The following RPAP2 variants were observed in gnomAD, a reference collection of about 807,000 sequenced individuals.
The protein encoded by RPAP2 is putative RNA polymerase II subunit B1 CTD phosphatase RPAP2.
In RPAP2, 52 loss-of-function variants were observed where a neutral mutation model predicts 73.1. That is an observed-to-expected ratio of 0.71 (90% CI 0.57 to 0.90). RPAP2 has a LOEUF of 0.90. RPAP2 is among the 40% of genes least tolerant of loss of function. The pLI, the probability that RPAP2 is intolerant of heterozygous loss-of-function variation, is 0.00. For synonymous variants in RPAP2, 225 were observed against 242.1 expected, an observed-to-expected ratio of 0.93 and a Z score of 0.65; for missense variants, 598 against 701.8, an observed-to-expected ratio of 0.85 and a Z score of 1.67.
intron 10 of RPAP2, among the ~76,000 whole-genome samples, chr1:92,337,430 G>A (rs1243545848): frequency 6.6e-6 from 1 of 152,066 alleles, no homozygotes; most frequent in Non-Finnish European, 1.5e-5. Flanking sequence ...TTTTCAGTAA[G>A]TCTTTTACTA....
intron 6 of RPAP2, among the ~76,000 whole-genome samples, 197 bp downstream of exon 6, chr1:92,307,473 GTTAT>G (rs1651317672): frequency 6.6e-6 from 1 of 152,138 alleles, no homozygotes; most frequent in East Asian, 1.9e-4. Flanking sequence ...ACATACAAAT[GTTAT>G]TTGTTTGTTG....
chr1:92,309,177 C>T (rs565333653), intron 6 of RPAP2, among the ~76,000 whole-genome samples: 3 of 152,152 alleles, frequency 2.0e-5, no homozygotes, highest in Non-Finnish European at 1.5e-5. Context: ...GGCGTGGTGG[C>T]TTACACCTGT....
At chr1:92,301,957 C>A (rs1447981514) in intron 3 of RPAP2, among the ~76,000 whole-genome samples, 3 of 152,116 alleles carry the variant, frequency 2.0e-5, no homozygotes. Flanking sequence ...TCACATACTA[C>A]CCCACAAATA....
At position 92,394,159 on chromosome 1, in the gene RPAP2, A is replaced by G. The variant is rs1175097942; in HGVS notation, c.*7148A>G. ...TACTATGCAGCCATAAAAAAGGATG[A>G]GTTCATGTCCTTTGCAGGGACATGG... On this transcript the variant is annotated 3_prime_UTR_variant, in exon 13 of 13. Coordinates refer to ENST00000610020, the MANE Select transcript of RPAP2 (RefSeq NM_024813.3). The G allele has an allele frequency of 6.6e-6, 1 of 152,218 alleles. No individual in the cohort carries two copies. Among genetic ancestry groups the G allele is most frequent in the Non-Finnish European group, 1.5e-5 (1 of 68,050 alleles). The allele number at this position is 152,218 out of a possible 1,614,324, so 9.4% of individuals were successfully genotyped here.
chr1:92,352,303 C>A (rs923240922), intron 11 of RPAP2, among the ~76,000 whole-genome samples: 1 of 152,174 alleles, frequency 6.6e-6, no homozygotes, highest in African/African-American at 2.4e-5. Context: ...TCAACTTGAC[C>A]ATGATCGCTA....
In RPAP2 at chr1:92,329,229, G is replaced by A. The variant is rs543754947; in HGVS notation, c.1456-4162G>A. On this transcript the variant is annotated intron_variant, in intron 8 of 12. Transcript: ENST00000610020. The stretch of plus-strand genomic sequence containing the variant: ...GGCCATAGAGCTCCCAAGAGATTAA[G>A]TCCTTTGTCTTCGGCTACCAGGGCC... Among the ~76,000 whole-genome samples the A allele has an allele frequency of 7.6e-4, 115 of 152,308 alleles. 1 individual carries two copies. Among genetic ancestry groups the A allele is most frequent in the African/African-American group, 2.7e-3 (111 of 41,560 alleles).
At chr1:92,342,818 G>T (rs1418119613) in intron 10 of RPAP2, among the ~76,000 whole-genome samples, 1 of 152,102 alleles carries the variant, frequency 6.6e-6, no homozygotes, top group East Asian at 1.9e-4. Context: ...ATTCTGGAAG[G>T]ATAGGGTAAG....
chr1:92,326,252 G>A (rs935724414), intron 8 of RPAP2, among the ~76,000 whole-genome samples: 3 of 152,100 alleles, frequency 2.0e-5, no homozygotes, highest in Non-Finnish European at 4.4e-5. Flanking sequence ...TTACTGTGAT[G>A]ATGAATAAAT....
rs1000412883 is a variant in RPAP2 at position 92,396,961 on chromosome 1, C to T, written c.*9950C>T. Reference sequence around the variant, plus strand: ...AGCCATTTTTGCACAACTTTATAAACTTTAAAAATAATTGATTTATGCACT... The same window carrying T: ...AGCCATTTTTGCACAACTTTATAAATTTTAAAAATAATTGATTTATGCACT... On this transcript the variant is annotated 3_prime_UTR_variant, in exon 13 of 13. Transcript: ENST00000610020. 1.3e-5 allele frequency: 2 copies of T among 151,680 alleles called. No homozygotes were observed. The highest frequency in any genetic ancestry group is 4.8e-5 in the African/African-American group (2 of 41,306). 9.4% of individuals were successfully genotyped at this position (151,680 alleles called of 1,614,324 possible). A position where few individuals can be genotyped will look rare whatever the true frequency, so the allele number is the denominator to read the frequency against.
At chr1:92,314,311 T>G (rs963836070) in intron 6 of RPAP2, among the ~76,000 whole-genome samples, 3 of 152,066 alleles carry the variant, frequency 2.0e-5, no homozygotes, top group Non-Finnish European at 1.5e-5. Flanking sequence ...TAAGGGTTTT[T>G]TTGTTGTTGT....
intron 6 of RPAP2, among the ~76,000 whole-genome samples, chr1:92,317,020 A>G (rs1651944048): frequency 6.6e-6 from 1 of 152,178 alleles, no homozygotes; most frequent in African/African-American, 2.4e-5. Flanking sequence ...TGTAAAGTAT[A>G]TTGAGTTCCT....
In RPAP2 at chr1:92,320,618, C is replaced by G. The variant is rs1211728518; in HGVS notation, c.508C>G (p.Leu170Val). The G allele has an allele frequency of 5.0e-6, 8 of 1,610,684 alleles. No homozygotes were observed. The highest frequency in any genetic ancestry group is 5.1e-6 in the Non-Finnish European group (6 of 1,177,310). ...EEERHPDFQL[L>V]KEEQSGHSGE... ...TTACAGGCATCCTGATTTTCAACTG[C>G]TAAAGGAAGAACAAAGGTATGGTTG... The change falls in exon 7 of 13, where the codon CTA (leucine) becomes GTA (valine). Residue 170 changes from leucine (L) to valine (V), a missense_variant. Coordinates refer to ENST00000610020, the MANE Select transcript of RPAP2 (RefSeq NM_024813.3).
chr1:92,342,445 G>A (rs1653649909), intron 10 of RPAP2, among the ~76,000 whole-genome samples: 1 of 152,194 alleles, frequency 6.6e-6, no homozygotes, highest in Non-Finnish European at 1.5e-5. Context: ...AGTACAGACT[G>A]TATAGGCCTT....
At chr1:92,344,998 G>A (rs181226678) in intron 10 of RPAP2, among the ~76,000 whole-genome samples, 1 of 152,014 alleles carries the variant, frequency 6.6e-6, no homozygotes, top group African/African-American at 2.4e-5. Flanking sequence ...TGACTACAGA[G>A]TTTTTTGTTG....
rs1215102198 is a variant in RPAP2 at position 92,388,863 on chromosome 1, AC to A, written c.*1853del. On this transcript the variant is annotated 3_prime_UTR_variant, in exon 13 of 13. Transcript: ENST00000610020. ...GGCTTGAGTAGGCGGTTCTATGCTC[AC>A]AGTGTAAACAAAGCAGCAGGGAAGC... 9 of 152,256 alleles carry A rather than the reference AC, an allele frequency of 5.9e-5. No individual in the cohort carries two copies. Among genetic ancestry groups the A allele is most frequent in the African/African-American group, 2.2e-4 (9 of 41,464 alleles). The allele number at this position is 152,256 out of a possible 1,614,324, so 9.4% of individuals were successfully genotyped here. A position where few individuals can be genotyped will look rare whatever the true frequency, so the allele number is the denominator to read the frequency against.
At chr1:92,375,840 A>G (rs1275798031) in intron 11 of RPAP2, among the ~76,000 whole-genome samples, 6 of 151,574 alleles carry the variant, frequency 4.0e-5, no homozygotes, top group African/African-American at 7.3e-5. Context: ...CAAAACAAAC[A>G]AACAAAAAAT....
intron 12 of RPAP2, among the ~76,000 whole-genome samples, chr1:92,386,499 A>C (rs1655868094): frequency 6.6e-6 from 1 of 152,160 alleles, no homozygotes; most frequent in South Asian, 2.1e-4. Context: ...CTGGCTAGGG[A>C]TGAAGGAAAG....
At chr1:92,319,257 A>C (rs1652108577) in intron 6 of RPAP2, among the ~76,000 whole-genome samples, 2 of 152,194 alleles carry the variant, frequency 1.3e-5, no homozygotes, top group South Asian at 4.1e-4. Flanking sequence ...TTTAACACAT[A>C]TTGTCTTGAA....
intron 11 of RPAP2, among the ~76,000 whole-genome samples, chr1:92,352,254 A>C (rs989948637): frequency 6.6e-6 from 1 of 152,204 alleles, no homozygotes; most frequent in Admixed American, 6.5e-5. Context: ...TCGTTCAGGG[A>C]GTAGCATGCA....
Sources: allele counts gnomAD v4.1 joint callset (sites outside exome capture counted in the v4.1 genomes callset), GRCh38; gene constraint gnomAD v4.1.1; transcripts MANE v1.5; gene names NCBI Gene and HGNC (gene_info 2026-07-23, HGNC 2026-07-21).